COL6A6: variants seen among roughly 807,000 people sequenced by gnomAD.
The protein encoded by COL6A6 is collagen alpha-6(VI) chain.
A neutral mutation model predicts 208.6 loss-of-function variants in COL6A6; 183 were observed. That is an observed-to-expected ratio of 0.88 (90% CI 0.78 to 0.99). The LOEUF (loss-of-function observed/expected upper bound fraction) is 0.99. Ranked by LOEUF, COL6A6 falls within the 50% of genes least tolerant of loss-of-function variation. The probability of loss-of-function intolerance (pLI) is 0.00; values close to 1 mark genes in which losing one functional copy is unlikely to be tolerated. For synonymous variants in COL6A6, 973 were observed against 1,011.8 expected, an observed-to-expected ratio of 0.96 and a Z score of 0.73; for missense variants, 2,816 against 2,815.2, an observed-to-expected ratio of 1.00 and a Z score of -0.01.
At chr3:130,560,304 A>G in intron 1 of COL6A6, 30 bp from the exon 2 acceptor site, 1 of 1,378,286 alleles carries the variant, frequency 7.3e-7, no homozygotes, top group South Asian at 1.2e-5. Context: ...TAATATCCAC[A>G]ACAATTTGTT....
chr3:130,644,562 A>G (rs2065412343), intron 31 of COL6A6, among the ~76,000 whole-genome samples: 1 of 152,250 alleles, frequency 6.6e-6, no homozygotes, highest in Non-Finnish European at 1.5e-5. Flanking sequence ...ATACACATAT[A>G]TACTATACAA....
In COL6A6 at chr3:130,649,249, C is replaced by A. The variant is rs376509040; in HGVS notation, c.5420C>A (p.Ser1807Tyr). The change falls in exon 33 of 37, where the codon TCC becomes TAC. Residue 1807 changes from serine (S) to tyrosine (Y), a missense_variant. Coordinates refer to ENST00000358511, the MANE Select transcript of COL6A6 (RefSeq NM_001102608.3). ...CACATCGCCATCCTCTCCTATAACTCCCACGCCAGGCACCTTGTGCGCTTC... is the reference window on the plus strand; with the variant it reads ...CACATCGCCATCCTCTCCTATAACTACCACGCCAGGCACCTTGTGCGCTTC... ...GAHIAILSYN[S>Y]HARHLVRFSD... 74 of 1,595,714 alleles carry A rather than the reference C, an allele frequency of 4.6e-5. No individual in the cohort carries two copies. Among genetic ancestry groups the A allele is most frequent in the Non-Finnish European group, 6.3e-5 (74 of 1,171,282 alleles).
intron 20 of COL6A6, among the ~76,000 whole-genome samples, chr3:130,601,730 A>G (rs2108147349): frequency 6.6e-6 from 1 of 152,360 alleles, no homozygotes; most frequent in Non-Finnish European, 1.5e-5. Context: ...ATGGCAGAGT[A>G]AAGCTGTTTT....
chr3:130,665,675 G>A (rs1467719624), intron 36 of COL6A6, among the ~76,000 whole-genome samples: 2 of 152,156 alleles, frequency 1.3e-5, no homozygotes, highest in African/African-American at 4.8e-5. Flanking sequence ...CAAAAATGGA[G>A]GAAGAGAGAA....
chr3:130,563,752 C>A, intron 3 of COL6A6, 88 bp downstream of exon 3: 1 of 886,574 alleles, frequency 1.1e-6, no homozygotes, highest in Non-Finnish European at 1.7e-6. Context: ...ATGAATATTC[C>A]TATCCCCAAA....
At chr3:130,666,888 T>C (rs2066088113) in intron 36 of COL6A6, among the ~76,000 whole-genome samples, 1 of 152,022 alleles carries the variant, frequency 6.6e-6, no homozygotes, top group Non-Finnish European at 1.5e-5. Context: ...AAGCAACAGT[T>C]GGACATAGTA....
intron 8 of COL6A6, among the ~76,000 whole-genome samples, chr3:130,577,540 A>T (rs2063326316): frequency 2.0e-5 from 3 of 152,194 alleles, no homozygotes. Flanking sequence ...GTCACTTCCA[A>T]TAACATAACC....
rs552407758 is a variant in COL6A6 at position 130,604,146 on chromosome 3, T to A, written c.4654-2785T>A. Among the ~76,000 whole-genome samples the A allele has an allele frequency of 6.6e-5, 10 of 152,322 alleles. No homozygotes were observed. The South Asian group carries it at 2.1e-3, about 32-fold the overall frequency. ...ATCTTCCATATTTCCTTGTTTTCTG[T>A]CTCTCACAGCAACCCAATATATCTC... On this transcript the variant is annotated intron_variant, in intron 20 of 36. Coordinates refer to ENST00000358511, the MANE Select transcript of COL6A6 (RefSeq NM_001102608.3).
At chr3:130,628,810 TCC>T (rs2064972178) in intron 26 of COL6A6, among the ~76,000 whole-genome samples, 2 of 68,284 alleles carry the variant, frequency 2.9e-5, no homozygotes, top group South Asian at 8.6e-4. Flanking sequence ...TTTCTGCATT[TCC>T]ATCTGAGACC....
intron 18 of COL6A6, among the ~76,000 whole-genome samples, chr3:130,597,522 C>G (rs2063886120): frequency 6.6e-6 from 1 of 152,194 alleles, no homozygotes; most frequent in Non-Finnish European, 1.5e-5. Context: ...ATCAGCCCAG[C>G]AGCCCCATAG....
intron 1 of COL6A6, among the ~76,000 whole-genome samples, chr3:130,554,294 G>T (rs1247056408): frequency 6.6e-6 from 1 of 152,226 alleles, no homozygotes; most frequent in Non-Finnish European, 1.5e-5. Flanking sequence ...GGGGCTGCTG[G>T]CATTCATGTG....
chr3:130,634,548 G>T (rs938820054), intron 26 of COL6A6, 42 bp from the exon 27 acceptor site: 2 of 1,559,236 alleles, frequency 1.3e-6, no homozygotes, highest in Non-Finnish European at 1.8e-6. Context: ...ACTTCATTGG[G>T]TGATGTGTGC....
intron 1 of COL6A6, among the ~76,000 whole-genome samples, chr3:130,556,244 T>C (rs140269087): frequency 2.5e-3 from 381 of 152,344 alleles, no homozygotes; most frequent in African/African-American, 8.6e-3. Flanking sequence ...AATTTTCTAA[T>C]GTCTTGTTTA....
At chr3:130,535,121 C>CT (rs1294232816) in intron 1 of COL6A6, among the ~76,000 whole-genome samples, 1 of 68,576 alleles carries the variant, frequency 1.5e-5, no homozygotes, top group South Asian at 4.5e-4. Flanking sequence ...CTCTCATTCT[C>CT]TTTTTTCCCC....
chr3:130,585,919 T>C (rs1176286807), intron 10 of COL6A6, among the ~76,000 whole-genome samples: 2 of 152,230 alleles, frequency 1.3e-5, no homozygotes, highest in African/African-American at 2.4e-5. Flanking sequence ...GTGCTGCTGC[T>C]TCAAGGATCC....
At chr3:130,530,106 T>C (rs775905477) in intron 1 of COL6A6, among the ~76,000 whole-genome samples, 1 of 152,228 alleles carries the variant, frequency 6.6e-6, no homozygotes, top group African/African-American at 2.4e-5. Context: ...CTGAGGCTTG[T>C]TCCAGTGTGA....
At position 130,589,515 on chromosome 3, in the gene COL6A6, C is replaced by T. The variant is rs865960411; in HGVS notation, c.4218+333C>T. 3.3e-4 allele frequency among the ~76,000 whole-genome samples: 50 copies of T among 152,272 alleles called. 1 individual carries two copies. Among genetic ancestry groups the T allele is most frequent in the Middle Eastern group, 3.4e-3 (1 of 294 alleles). Reference sequence around the variant, plus strand: ...GAAAGCCTCCTCCATGTGAATAACGCATTTCAGCATTCATTTTTAATGATG... The same window carrying T: ...GAAAGCCTCCTCCATGTGAATAACGTATTTCAGCATTCATTTTTAATGATG... On this transcript the variant is annotated intron_variant, in intron 12 of 36. Coordinates refer to ENST00000358511, the MANE Select transcript of COL6A6 (RefSeq NM_001102608.3).
At chr3:130,593,133 C>A in intron 16 of COL6A6, 28 bp downstream of exon 16, 1 of 1,612,368 alleles carries the variant, frequency 6.2e-7, no homozygotes, top group South Asian at 1.1e-5. Flanking sequence ...CATAGAGACC[C>A]TTCTGAGCTA....
At chr3:130,572,271 A>T (rs2063186785) in intron 7 of COL6A6, among the ~76,000 whole-genome samples, 1 of 152,200 alleles carries the variant, frequency 6.6e-6, no homozygotes, top group East Asian at 1.9e-4. Context: ...GCAGCTGGAG[A>T]TTGCATTGCT....
Sources: allele counts gnomAD v4.1 joint callset (sites outside exome capture counted in the v4.1 genomes callset), GRCh38; gene constraint gnomAD v4.1.1; transcripts MANE v1.5; gene names NCBI Gene and HGNC (gene_info 2026-07-23, HGNC 2026-07-21).